The following NRXN1 variants were observed in gnomAD, a reference collection of about 807,000 sequenced individuals.
NRXN1 encodes neurexin-1.
A neutral mutation model predicts 150.9 loss-of-function variants in NRXN1; 39 were observed. The observed-to-expected ratio is 0.26, with a 90% CI of 0.20 to 0.34. The LOEUF (loss-of-function observed/expected upper bound fraction) is 0.34. NRXN1 is among the 10% of genes least tolerant of loss of function. The pLI is 1.00. For missense variants in NRXN1, 1,815 were observed against 1,949.9 expected, an observed-to-expected ratio of 0.93 and a Z score of 1.30; for synonymous variants, 924 against 757.0, an observed-to-expected ratio of 1.22 and a Z score of -3.62.
intron 5 of NRXN1, among the ~76,000 whole-genome samples, chr2:50,675,195 T>G (rs1376619090): frequency 6.6e-6 from 1 of 152,074 alleles, no homozygotes; most frequent in Non-Finnish European, 1.5e-5. Flanking sequence ...ATAAATCTCT[T>G]TACTTTATAA....
At chr2:49,950,395 T>C (rs907549514) in intron 21 of NRXN1, among the ~76,000 whole-genome samples, 1 of 152,012 alleles carries the variant, frequency 6.6e-6, no homozygotes, top group Middle Eastern at 3.4e-3. Flanking sequence ...TGAGATCCAG[T>C]ATGTGGAGGA....
chr2:50,459,616 T>A (rs1171212625), intron 17 of NRXN1, among the ~76,000 whole-genome samples: 1 of 152,146 alleles, frequency 6.6e-6, no homozygotes, highest in Admixed American at 6.6e-5. Context: ...TCCAGCTCCA[T>A]CCATTATCCC....
At chr2:50,517,275 G>A (rs1012249850) in intron 12 of NRXN1, among the ~76,000 whole-genome samples, 1 of 152,058 alleles carries the variant, frequency 6.6e-6, no homozygotes, top group Non-Finnish European at 1.5e-5. Flanking sequence ...ACTATCATCA[G>A]TATTATGTTG....
intron 12 of NRXN1, among the ~76,000 whole-genome samples, chr2:50,513,694 G>C (rs183423202): frequency 8.1e-4 from 123 of 152,066 alleles, no homozygotes; most frequent in Non-Finnish European, 3.8e-4. Context: ...AAGAGAAATA[G>C]AGAAGAATAA....
intron 2 of NRXN1, among the ~76,000 whole-genome samples, chr2:50,939,210 C>CA (rs78496825): frequency 0.057 from 3,855 of 68,024 alleles, 256 homozygotes; most frequent in Non-Finnish European, 0.083. Context: ...GACTCCATCT[C>CA]AAAAAAAAAA....
At chr2:50,269,653 C>A (rs555189570) in intron 17 of NRXN1, among the ~76,000 whole-genome samples, 2 of 152,306 alleles carry the variant, frequency 1.3e-5, no homozygotes, top group African/African-American at 2.4e-5. Context: ...AAAGACACTA[C>A]TTCTACACCT....
chr2:50,113,198 C>T (rs1457919608), intron 18 of NRXN1, among the ~76,000 whole-genome samples: 3 of 152,132 alleles, frequency 2.0e-5, no homozygotes, highest in Non-Finnish European at 4.4e-5. Context: ...TAATAAATGT[C>T]TGTTATATGA....
intron 17 of NRXN1, among the ~76,000 whole-genome samples, chr2:50,361,087 C>G (rs757461564): frequency 1.3e-5 from 2 of 152,114 alleles, no homozygotes; most frequent in African/African-American, 4.8e-5. Flanking sequence ...CACAGCGTAC[C>G]AGCATCTCTA....
chr2:50,869,095 T>G (rs987293888), intron 5 of NRXN1, among the ~76,000 whole-genome samples: 1 of 151,770 alleles, frequency 6.6e-6, no homozygotes, highest in African/African-American at 2.4e-5. Flanking sequence ...GTTTTCTCCC[T>G]TTTTTAAATT....
At chr2:50,150,028 T>C (rs2058604604) in intron 18 of NRXN1, among the ~76,000 whole-genome samples, 3 of 151,738 alleles carry the variant, frequency 2.0e-5, no homozygotes, top group Admixed American at 2.0e-4. Context: ...TTGCACTCTT[T>C]ATATTTCTTA....
chr2:50,891,458 C>G (rs1452610145), intron 5 of NRXN1, among the ~76,000 whole-genome samples: 3 of 152,018 alleles, frequency 2.0e-5, no homozygotes, highest in African/African-American at 7.2e-5. Flanking sequence ...CTTAAATATA[C>G]ACGAGTATTT....
intron 19 of NRXN1, 54 bp from the exon 20 acceptor site, chr2:50,055,098 A>T: frequency 8.2e-7 from 1 of 1,215,452 alleles, no homozygotes; most frequent in South Asian, 1.5e-5. Context: ...GTCAAAGGTT[A>T]AAAGTTAATA....
chr2:50,461,045 C>G (rs2088150895), intron 17 of NRXN1, among the ~76,000 whole-genome samples: 1 of 151,974 alleles, frequency 6.6e-6, no homozygotes, highest in Non-Finnish European at 1.5e-5. Context: ...GATTCACTTC[C>G]ATTAGTTCAT....
intron 9 of NRXN1, among the ~76,000 whole-genome samples, chr2:50,552,338 C>A (rs1667657389): frequency 6.6e-6 from 1 of 152,016 alleles, no homozygotes; most frequent in African/African-American, 2.4e-5. Context: ...CACTTGATTA[C>A]CCAATAAAAG....
chr2:50,771,931 A>C (rs145191153), intron 5 of NRXN1, among the ~76,000 whole-genome samples: 209 of 152,242 alleles, frequency 1.4e-3, no homozygotes, highest in African/African-American at 4.2e-3. Context: ...CAGATAAGTT[A>C]GTATATAATA....
intron 18 of NRXN1, among the ~76,000 whole-genome samples, chr2:50,161,559 C>G (rs564689979): frequency 1.3e-5 from 2 of 152,258 alleles, no homozygotes; most frequent in African/African-American, 4.8e-5. Context: ...AGAATTTTGA[C>G]AGGAGAACTA....
chr2:50,341,596 G>A (rs981542084), intron 17 of NRXN1, among the ~76,000 whole-genome samples: 2 of 152,196 alleles, frequency 1.3e-5, no homozygotes, highest in African/African-American at 4.8e-5. Flanking sequence ...TTTCTGAGAA[G>A]TATTTAGTCA....
chr2:50,882,840 A>G (rs1360279901), intron 5 of NRXN1, among the ~76,000 whole-genome samples: 2 of 151,846 alleles, frequency 1.3e-5, no homozygotes, highest in African/African-American at 4.8e-5. Flanking sequence ...TTTTTCTGTA[A>G]CAGACTTATA....
intron 21 of NRXN1, among the ~76,000 whole-genome samples, chr2:49,947,404 C>T (rs1329514267): frequency 6.6e-6 from 1 of 151,792 alleles, no homozygotes; most frequent in East Asian, 1.9e-4. Context: ...TTTGAGGTCA[C>T]AATTGGAATT....
Sources: allele counts gnomAD v4.1 joint callset (sites outside exome capture counted in the v4.1 genomes callset), GRCh38; gene constraint gnomAD v4.1.1; transcripts MANE v1.5; gene names NCBI Gene and HGNC (gene_info 2026-07-23, HGNC 2026-07-21).